The following AKTIP variants were observed in gnomAD, a reference collection of about 807,000 sequenced individuals.
AKTIP encodes AKT-interacting protein.
Under a neutral mutation model 39.1 loss-of-function variants are expected in AKTIP, and 16 were observed. The ratio of observed to expected loss-of-function variants is 0.41; its 90% CI spans 0.28 to 0.62. The LOEUF is 0.62. Ranked by LOEUF, AKTIP falls within the 20% of genes least tolerant of loss-of-function variation. The pLI is 0.32. For synonymous variants in AKTIP, 93 were observed against 124.3 expected (o/e 0.75, Z 1.67); for missense variants, 262 against 356.6 (o/e 0.73, Z 2.14).
chr16:53,498,372 T>C lies in AKTIP; in HGVS notation c.248+19A>G, dbSNP rs758521799. 1.9e-5 allele frequency: 30 copies of C among 1,611,394 alleles called. No individual in the cohort carries two copies. Among genetic ancestry groups the C allele is most frequent in the Non-Finnish European group, 2.5e-5 (29 of 1,177,648 alleles). ...AAGGATCATTCCTAATTTAACCAAA[T>C]AGTTTGTTAAGGACTTACAATTCTG... On this transcript the variant is annotated intron_variant, in intron 3 of 9. Transcript: ENST00000394657.
chr16:53,494,783 C>T, intron 5 of AKTIP, 178 bp from the exon 6 acceptor site: 1 of 722,638 alleles, frequency 1.4e-6, no homozygotes, highest in Non-Finnish European at 2.3e-6. Flanking sequence ...CTAAATTTTG[C>T]AATGAAGCGG....
In AKTIP at chr16:53,491,350, A is replaced by G. The variant is rs1961440121; in HGVS notation, c.*1062T>C. 6.6e-6 allele frequency: 1 copy of G among 152,238 alleles called. No homozygotes were observed. Among genetic ancestry groups the G allele is most frequent in the South Asian group, 2.1e-4 (1 of 4,832 alleles). 9.4% of individuals were successfully genotyped at this position (152,238 alleles called of 1,614,324 possible). On this transcript the variant is annotated 3_prime_UTR_variant, in exon 10 of 10. Transcript: ENST00000394657. Reference sequence around the variant, plus strand: ...TTTTATTAGTACCATAGTACCATTTATACAAATTAGAAAATGTTATTTAAC... The same window carrying G: ...TTTTATTAGTACCATAGTACCATTTGTACAAATTAGAAAATGTTATTTAAC...
intron 1 of AKTIP, among the ~76,000 whole-genome samples, chr16:53,500,641 G>A (rs1286911080): frequency 4.6e-5 from 7 of 152,172 alleles, no homozygotes; most frequent in Admixed American, 1.3e-4. Flanking sequence ...GCCTCCCAAA[G>A]TGCTGGGATT....
At chr16:53,493,734 T>C (rs1306654192) in intron 8 of AKTIP, 4 of 190,282 alleles carry the variant, frequency 2.1e-5, no homozygotes, top group East Asian at 1.3e-4. Context: ...TCAAATGTCA[T>C]AGTGCTTCAG....
intron 7 of AKTIP, 23 bp downstream of exon 7, chr16:53,494,316 A>G (rs780837326): frequency 4.3e-6 from 7 of 1,613,328 alleles, no homozygotes; most frequent in Non-Finnish European, 5.9e-6. Flanking sequence ...TTTATTTTAA[A>G]TAACAAAGCA....
At chr16:53,493,004 G>A in intron 8 of AKTIP, 1 of 425,528 alleles carries the variant, frequency 2.4e-6, no homozygotes, top group South Asian at 2.9e-5. Flanking sequence ...CAGCAAAGCA[G>A]AGTAAATTAA....
chr16:53,500,178 G>A, intron 2 of AKTIP, 40 bp downstream of exon 2: 1 of 1,495,442 alleles, frequency 6.7e-7, no homozygotes, highest in Non-Finnish European at 9.3e-7. Flanking sequence ...AGACACAGAA[G>A]CAAATGGGTT....
chr16:53,492,514 A>C lies in AKTIP; in HGVS notation c.777T>G (p.Pro259=). The C allele has an allele frequency of 6.2e-7, 1 of 1,614,224 alleles. No homozygotes were observed. The highest frequency in any genetic ancestry group is 8.5e-7 in the Non-Finnish European group (1 of 1,180,018). Residue 259 remains proline (P), a synonymous_variant, in exon 10 of 10, where the codon CCT becomes CCG. Transcript: ENST00000394657. ...GAACACTTTTATTGTGCTGTTCTTC[A>C]GGCTTCTTCTAGGCACAATCAAAAC... The part of the protein sequence containing the change: ...AREKMLTQKK[P]EEQHNKSVHV...
chr16:53,499,020 A>G (rs774104913), intron 2 of AKTIP, among the ~76,000 whole-genome samples: 3 of 152,262 alleles, frequency 2.0e-5, no homozygotes, highest in African/African-American at 7.2e-5. Flanking sequence ...TGGATGACTG[A>G]AATCAGTCAC....
rs1316692985 is a variant in AKTIP, at chr16:53,494,188, G to A, written c.660C>T (p.Cys220=). 6.2e-7 allele frequency: 1 copy of A among 1,614,134 alleles called. No individual in the cohort carries two copies. Among genetic ancestry groups the A allele is most frequent in the South Asian group, 1.1e-5 (1 of 91,082 alleles). ...KSKVVDSVKV[C]TARLFDQPKI... Reference sequence around the variant, plus strand: ...TAGGTTGGTCAAACAAACGAGCAGTGCACACCTTAACACTGTCAACAACTT... The same window carrying A: ...TAGGTTGGTCAAACAAACGAGCAGTACACACCTTAACACTGTCAACAACTT... Residue 220 remains cysteine (C), a synonymous_variant, in exon 8 of 10, where the codon TGC becomes TGT. Coordinates refer to ENST00000394657, the MANE Select transcript of AKTIP (RefSeq NM_022476.4).
chr16:53,496,205 G>A (rs923027051), intron 3 of AKTIP, among the ~76,000 whole-genome samples: 1 of 152,000 alleles, frequency 6.6e-6, no homozygotes. Flanking sequence ...GTTATTATCC[G>A]GTCCATTTTT....
In AKTIP at chr16:53,494,277, AACTT is replaced by A. The variant is rs746263084; in HGVS notation, c.603-36_603-33del. 2.5e-6 allele frequency: 4 copies of A among 1,610,828 alleles called. No individual in the cohort carries two copies. In the Admixed American group the frequency reaches 6.7e-5, roughly 27 times the overall value. ...TAAAAGTTTAAGTCAAAAAGTTACT[AACTT>A]AATCTACTTAGCTGCATCTTCAAAT... On this transcript the variant is annotated intron_variant, in intron 7 of 9. Transcript: ENST00000394657.
chr16:53,494,602 A>C lies in AKTIP; in HGVS notation c.418T>G (p.Leu140Val). ...DNYPDGDCPR[L>V]VFDIPVFHPL... ...TGAAAGACAGGAATATCGAACACCA[A>C]GCGCTGTATTTAAATAAAGAGAGAC... is the stretch of plus-strand genomic sequence containing the variant. Residue 140 changes from leucine to valine, a missense_variant, in exon 6 of 10, where the codon TTG becomes GTG. Physicochemically the swap from Leu to Val is conservative, Grantham distance 32. Transcript: ENST00000394657. 6.2e-7 allele frequency: 1 copy of C among 1,613,936 alleles called. No individual in the cohort carries two copies. The highest frequency in any genetic ancestry group is 8.5e-7 in the Non-Finnish European group (1 of 1,179,854).
At chr16:53,499,433 T>A (rs1212986577) in intron 2 of AKTIP, among the ~76,000 whole-genome samples, 1 of 150,392 alleles carries the variant, frequency 6.6e-6, no homozygotes, top group Non-Finnish European at 1.5e-5. Context: ...TTTGTTCTCC[T>A]AGAGGTGAGA....
Position 53,500,213 on chromosome 16 carries a change from CCTA to C in AKTIP, c.42+2_42+4del. Reference sequence around the variant, plus strand: ...TTTCTTACTGAATTTATCAACTATACCTACTTTGCGTACAGAGCTTGTAGACAT... The same window carrying C: ...TTTCTTACTGAATTTATCAACTATACCTTTGCGTACAGAGCTTGTAGACAT... On this transcript the variant is annotated splice_donor_variant and splice_donor_region_variant and intron_variant, in intron 2 of 9. Transcript: ENST00000394657. LOFTEE classifies it high-confidence loss of function. The C allele has an allele frequency of 6.2e-7, 1 of 1,605,982 alleles. No individual in the cohort carries two copies. The highest frequency in any genetic ancestry group is 8.5e-7 in the Non-Finnish European group (1 of 1,174,214).
chr16:53,491,283 G>A lies in AKTIP; in HGVS notation c.*1129C>T, dbSNP rs1054835875. On this transcript the variant is annotated 3_prime_UTR_variant, in exon 10 of 10. Transcript: ENST00000394657. ...GTGATATATTTAAAAATATTTTTGG[G>A]TGTTCCTGGCAGTTTAAAAAAATTG... is the stretch of plus-strand genomic sequence containing the variant. The A allele has an allele frequency of 3.9e-5, 6 of 151,988 alleles. No individual in the cohort carries two copies. Among genetic ancestry groups the A allele is most frequent in the Non-Finnish European group, 8.8e-5 (6 of 67,992 alleles). 9.4% of individuals were successfully genotyped at this position (151,988 alleles called of 1,614,324 possible). A position where few individuals can be genotyped will look rare whatever the true frequency, so the allele number is the denominator to read the frequency against.
intron 3 of AKTIP, among the ~76,000 whole-genome samples, chr16:53,497,269 G>A (rs760692935): frequency 4.6e-5 from 7 of 152,128 alleles, no homozygotes; most frequent in Non-Finnish European, 1.0e-4. Context: ...CCAGCACTCC[G>A]CACCCTGCTT....
rs1961971964 is a variant in AKTIP, at chr16:53,498,461, C to A, written c.178G>T (p.Ala60Ser). 6.2e-7 allele frequency: 1 copy of A among 1,613,856 alleles called. No individual in the cohort carries two copies. Among genetic ancestry groups the A allele is most frequent in the African/African-American group, 1.3e-5 (1 of 74,930 alleles). The stretch of plus-strand genomic sequence containing the variant: ...GCATGCGTGCCATTTGTTGACTGTG[C>A]TGCTGGGGCAGGAGATGTAGGCTTA... ...ITKPTSPAPA[A>S]QSTNGTHASY... Residue 60 changes from alanine to serine, a missense_variant, in exon 3 of 10, where the codon GCA (alanine) becomes TCA (serine). Coordinates refer to ENST00000394657, the MANE Select transcript of AKTIP (RefSeq NM_022476.4).
intron 2 of AKTIP, among the ~76,000 whole-genome samples, chr16:53,499,127 T>C (rs1201856282): frequency 6.6e-6 from 1 of 152,270 alleles, no homozygotes; most frequent in Non-Finnish European, 1.5e-5. Flanking sequence ...TGTTTCAACA[T>C]TTCAAATATC....
Sources: allele counts gnomAD v4.1 joint callset (sites outside exome capture counted in the v4.1 genomes callset), GRCh38; gene constraint gnomAD v4.1.1; transcripts MANE v1.5; gene names NCBI Gene and HGNC (gene_info 2026-07-23, HGNC 2026-07-21).